Variants in AGO2 observed in about 807,000 individuals in gnomAD.
The protein encoded by AGO2 is argonaute RISC catalytic component 2.
Under a neutral mutation model 102.3 loss-of-function variants are expected in AGO2, and 5 were observed. The observed-to-expected ratio is 0.05, with a 90% CI of 0.03 to 0.10. The LOEUF (loss-of-function observed/expected upper bound fraction) is 0.10, where lower values mean the gene tolerates loss of function less well. AGO2 is among the 10% of genes least tolerant of loss of function. AGO2 has a pLI of 1.00. For synonymous variants in AGO2, 449 were observed against 473.1 expected (o/e 0.95, Z 0.66); for missense variants, 541 against 1,183.7 (o/e 0.46, Z 7.97).
intron 1 of AGO2, among the ~76,000 whole-genome samples, chr8:140,586,434 C>G (rs2073657469): frequency 6.6e-6 from 1 of 152,128 alleles, no homozygotes; most frequent in Non-Finnish European, 1.5e-5. Flanking sequence ...TGCAGTGAGC[C>G]GAGATCATGC....
rs1353487545 is a variant in AGO2, at chr8:140,607,227, C to T, written c.23-21916G>A. Among the ~76,000 whole-genome samples the T allele has an allele frequency of 5.3e-5, 8 of 150,518 alleles. No individual in the cohort carries two copies. The East Asian group carries it at 9.7e-4, about 18-fold the overall frequency. ...TCATGTCATTGCACTCCAACCTGGGCAACAAGAGTGAAACTCCATTTAAAA... is the reference window on the plus strand; with the variant it reads ...TCATGTCATTGCACTCCAACCTGGGTAACAAGAGTGAAACTCCATTTAAAA... On this transcript the variant is annotated intron_variant, in intron 1 of 18. Coordinates refer to ENST00000220592, the MANE Select transcript of AGO2 (RefSeq NM_012154.5).
rs140030543 is a variant in AGO2 at position 140,536,239 on chromosome 8, A to G, written c.2170-670T>C. On this transcript the variant is annotated intron_variant, in intron 16 of 18. Transcript: ENST00000220592. ...CCCCACAAGCCCTGCTCCAGCATTT[A>G]GCAAGGTCCCTGATGAATGTTTTCT... 1.8e-3 allele frequency among the ~76,000 whole-genome samples: 275 copies of G among 152,336 alleles called. 3 individuals are homozygous for G. Among genetic ancestry groups the G allele is most frequent in the African/African-American group, 6.4e-3 (265 of 41,584 alleles).
chr8:140,575,183 T>C (rs766908900), intron 2 of AGO2, among the ~76,000 whole-genome samples: 2 of 152,120 alleles, frequency 1.3e-5, no homozygotes, highest in Non-Finnish European at 2.9e-5. Context: ...GCCGTCAGCA[T>C]GGCCCTGGCA....
chr8:140,588,681 A>C (rs890335376), intron 1 of AGO2, among the ~76,000 whole-genome samples: 7 of 152,044 alleles, frequency 4.6e-5, no homozygotes, highest in South Asian at 2.1e-4. Flanking sequence ...GGAAGGAAAA[A>C]AGCATACATT....
intron 1 of AGO2, among the ~76,000 whole-genome samples, chr8:140,597,654 G>A (rs1309930386): frequency 1.3e-5 from 2 of 150,416 alleles, no homozygotes; most frequent in South Asian, 2.1e-4. Flanking sequence ...CTGATCTACA[G>A]GATTAGCTTC....
chr8:140,535,217 T>C (rs987672950), intron 17 of AGO2, among the ~76,000 whole-genome samples: 2 of 152,124 alleles, frequency 1.3e-5, no homozygotes, highest in African/African-American at 2.4e-5. Context: ...CCAAGGCCCT[T>C]GGTGCTCCCT....
chr8:140,542,062 C>T (rs1188586261), intron 14 of AGO2, among the ~76,000 whole-genome samples: 2 of 152,204 alleles, frequency 1.3e-5, no homozygotes. Flanking sequence ...CCCGAAGGCA[C>T]ACCAGCCATG....
chr8:140,533,711 G>C (rs1216298943), intron 17 of AGO2, among the ~76,000 whole-genome samples: 1 of 151,912 alleles, frequency 6.6e-6, no homozygotes, highest in Non-Finnish European at 1.5e-5. Flanking sequence ...GGAGGCTGAG[G>C]CATGAGAATC....
chr8:140,553,949 G>A (rs775227842), intron 10 of AGO2, among the ~76,000 whole-genome samples: 2 of 152,208 alleles, frequency 1.3e-5, no homozygotes, highest in African/African-American at 4.8e-5. Context: ...TGATCCTCCT[G>A]CCTTGGCCTC....
At chr8:140,597,346 G>A (rs1417877376) in intron 1 of AGO2, among the ~76,000 whole-genome samples, 2 of 152,226 alleles carry the variant, frequency 1.3e-5, no homozygotes, top group Non-Finnish European at 2.9e-5. Flanking sequence ...ACGGATGCAG[G>A]GCAGCGTGGG....
intron 1 of AGO2, among the ~76,000 whole-genome samples, chr8:140,620,884 A>C (rs778959400): frequency 6.6e-6 from 1 of 152,138 alleles, no homozygotes; most frequent in Non-Finnish European, 1.5e-5. Context: ...ATTTTTCTCA[A>C]AGTTTGCAAA....
At chr8:140,633,373 C>T (rs2074365009) in intron 1 of AGO2, among the ~76,000 whole-genome samples, 2 of 152,170 alleles carry the variant, frequency 1.3e-5, no homozygotes, top group Admixed American at 1.3e-4. Flanking sequence ...GGTTCATTCC[C>T]ATCCTGCCAT....
intron 1 of AGO2, among the ~76,000 whole-genome samples, chr8:140,590,224 C>A (rs1431692263): frequency 6.6e-6 from 1 of 152,150 alleles, no homozygotes; most frequent in Non-Finnish European, 1.5e-5. Context: ...ATGCGTTCTA[C>A]CCCCTCCCCC....
chr8:140,563,007 C>T (rs1362759943), intron 3 of AGO2, among the ~76,000 whole-genome samples: 2 of 152,230 alleles, frequency 1.3e-5, no homozygotes, highest in South Asian at 2.1e-4. Context: ...ATCATGCTGC[C>T]GTCACCTGCA....
At chr8:140,595,833 ACAAT>A (rs2073824692) in intron 1 of AGO2, among the ~76,000 whole-genome samples, 1 of 113,502 alleles carries the variant, frequency 8.8e-6, no homozygotes, top group Non-Finnish European at 1.7e-5. Context: ...TATATTATAT[ACAAT>A]TGTATATATT....
chr8:140,572,140 A>C (rs1245919403), intron 3 of AGO2: 1 of 152,238 alleles, frequency 6.6e-6, no homozygotes. Flanking sequence ...AGAAGTGACA[A>C]CTTCTGGGCA....
At chr8:140,554,825 G>A (rs960610142) in intron 10 of AGO2, among the ~76,000 whole-genome samples, 8 of 151,936 alleles carry the variant, frequency 5.3e-5, no homozygotes, top group African/African-American at 1.5e-4. Flanking sequence ...CTGAGAAGCC[G>A]GGACTACAGG....
intron 2 of AGO2, among the ~76,000 whole-genome samples, chr8:140,573,345 A>ATT (rs908118086): frequency 2.8e-5 from 4 of 140,404 alleles, no homozygotes; most frequent in African/African-American, 7.8e-5. Flanking sequence ...AATTTTTTGT[A>ATT]TTTTTTTTTT....
At chr8:140,608,476 T>C (rs558220465) in intron 1 of AGO2, among the ~76,000 whole-genome samples, 2 of 152,304 alleles carry the variant, frequency 1.3e-5, no homozygotes, top group Admixed American at 1.3e-4. Context: ...GCCGGCCCCA[T>C]GCCCCCTCCC....
Sources: gnomAD v4.1 joint callset for allele counts (sites outside exome capture counted in the v4.1 genomes callset) on GRCh38, gnomAD v4.1.1 for gene constraint, MANE v1.5 for transcripts, NCBI Gene and HGNC (gene_info 2026-07-23, HGNC 2026-07-21) for gene names.